Variants in CFAP43 observed in about 807,000 individuals in gnomAD.
The protein encoded by CFAP43 is cilia- and flagella-associated protein 43.
CFAP43 carries 155 observed loss-of-function variants against 218.9 expected under a neutral mutation model. The observed-to-expected ratio is 0.71, with a 90% CI of 0.62 to 0.81. The LOEUF (loss-of-function observed/expected upper bound fraction) is 0.81, where lower values mean the gene tolerates loss of function less well. CFAP43 is among the 30% of genes least tolerant of loss of function. CFAP43 has a pLI of 0.00. For missense variants in CFAP43, 1,778 were observed against 1,954.3 expected (o/e 0.91, Z 1.70); for synonymous variants, 645 against 681.3 (o/e 0.95, Z 0.83).
chr10:104,161,754 A>C (rs1235958291), intron 26 of CFAP43, among the ~76,000 whole-genome samples: 3 of 151,904 alleles, frequency 2.0e-5, no homozygotes, highest in Non-Finnish European at 4.4e-5. Context: ...TGGCCTCCTC[A>C]CTTAGCCTCC....
intron 10 of CFAP43, among the ~76,000 whole-genome samples, chr10:104,194,462 TG>T (rs1463600497): frequency 7.2e-5 from 11 of 152,324 alleles, no homozygotes; most frequent in African/African-American, 2.4e-4. Context: ...CTTGAACTAC[TG>T]GGCTCAAGTG....
At chr10:104,171,264 TGTTGCA>T (rs1269206154) in intron 20 of CFAP43, among the ~76,000 whole-genome samples, 1 of 152,248 alleles carries the variant, frequency 6.6e-6, no homozygotes, top group Non-Finnish European at 1.5e-5. Flanking sequence ...CATTAATAAA[TGTTGCA>T]GAATGAATGA....
At chr10:104,188,123 G>T in intron 13 of CFAP43, 147 bp downstream of exon 13, 1 of 968,954 alleles carries the variant, frequency 1.0e-6, no homozygotes, top group Non-Finnish European at 1.5e-6. Context: ...AAACTGTTTA[G>T]CATGTTGGTT....
chr10:104,220,518 T>C (rs2091147193), intron 3 of CFAP43, among the ~76,000 whole-genome samples: 1 of 152,004 alleles, frequency 6.6e-6, no homozygotes, highest in Non-Finnish European at 1.5e-5. Flanking sequence ...ACCAAATGAG[T>C]TTAAAGCCCA....
chr10:104,175,009 C>T (rs1299249210), intron 19 of CFAP43, among the ~76,000 whole-genome samples: 1 of 151,880 alleles, frequency 6.6e-6, no homozygotes, highest in Non-Finnish European at 1.5e-5. Context: ...GAGCCGAGAT[C>T]ATGCCAATGC....
chr10:104,211,717 C>A (rs2090868689), intron 5 of CFAP43, among the ~76,000 whole-genome samples: 1 of 152,176 alleles, frequency 6.6e-6, no homozygotes, highest in African/African-American at 2.4e-5. Context: ...CAACTTCTGC[C>A]CAGCATCTCC....
At chr10:104,190,935 A>G (rs1346654261) in intron 12 of CFAP43, among the ~76,000 whole-genome samples, 1 of 152,230 alleles carries the variant, frequency 6.6e-6, no homozygotes, top group East Asian at 1.9e-4. Flanking sequence ...GAGAGATAAT[A>G]GTAGTATCAA....
rs2087189008 is a variant in CFAP43, at chr10:104,131,460, A to G, written c.4702T>C (p.Cys1568Arg). The change falls in exon 37 of 38, where the codon TGC (cysteine) becomes CGC (arginine). Residue 1568 changes from cysteine to arginine, a missense_variant. Coordinates refer to ENST00000357060, the MANE Select transcript of CFAP43 (RefSeq NM_025145.7). ...DKMHKKNVEN[C>R]KKLLKKLGKF... ...CCAAGTTTTTTGAGTAGTTTCTTGC[A>G]GTTTTCCACATTCTTTTTGTGCATC... 1 of 1,611,076 alleles carries G rather than the reference A, an allele frequency of 6.2e-7. No individual in the cohort carries two copies. Among genetic ancestry groups the G allele is most frequent in the Admixed American group, 1.7e-5 (1 of 59,318 alleles).
chr10:104,162,516 C>T lies in CFAP43; in HGVS notation c.3247-113G>A, dbSNP rs1323979143. On this transcript the variant is annotated intron_variant, in intron 24 of 37. Coordinates refer to ENST00000357060, the MANE Select transcript of CFAP43 (RefSeq NM_025145.7). ...TACTAAGGGGATTAAAGGGACTCTGCAGACTTTGCACCCAATTTTCTGTTT... is the reference window on the plus strand; with the variant it reads ...TACTAAGGGGATTAAAGGGACTCTGTAGACTTTGCACCCAATTTTCTGTTT... 23 of 862,370 alleles carry T rather than the reference C, an allele frequency of 2.7e-5. No individual in the cohort carries two copies. In the Admixed American group the frequency reaches 4.1e-4, roughly 15 times the overall value. 53.4% of individuals were successfully genotyped at this position (862,370 alleles called of 1,614,324 possible). A position where few individuals can be genotyped will look rare whatever the true frequency, so the allele number is the denominator to read the frequency against.
Position 104,172,472 on chromosome 10 carries a change from A to G in CFAP43, c.2524T>C (p.Phe842Leu), listed in dbSNP as rs780968310. The change falls in exon 20 of 38, where the codon TTT becomes CTT. Residue 842 changes from phenylalanine to leucine, a missense_variant. Transcript: ENST00000357060. The stretch of plus-strand genomic sequence containing the variant: ...TCTAGTTCCTCAAGATCCAGACCAA[A>G]TTCCTGTTGGTCTAATTTTGCAATA... ...ENIAKLDQQE[F>L]GLDLEELERL... The G allele has an allele frequency of 2.5e-6, 4 of 1,607,714 alleles. No individual in the cohort carries two copies. The South Asian group carries it at 3.4e-5, about 14-fold the overall frequency.
chr10:104,192,451 A>T, intron 11 of CFAP43, 149 bp from the exon 12 acceptor site: 2 of 651,658 alleles, frequency 3.1e-6, no homozygotes, highest in Non-Finnish European at 5.4e-6. Context: ...ATTAAAGTGG[A>T]GTGATTACAT....
chr10:104,156,020 C>T (rs749839181), intron 27 of CFAP43, among the ~76,000 whole-genome samples: 3 of 151,910 alleles, frequency 2.0e-5, no homozygotes, highest in Non-Finnish European at 2.9e-5. Context: ...AGAAAAGCAG[C>T]TACTTTGAAA....
At chr10:104,203,949 A>C (rs537536776) in intron 7 of CFAP43, 146 bp from the exon 8 acceptor site, 1 of 645,542 alleles carries the variant, frequency 1.5e-6, no homozygotes, top group Non-Finnish European at 2.3e-6. Flanking sequence ...CTGTCCTCTC[A>C]TCTTTATTTA....
In CFAP43 at chr10:104,130,037, G is replaced by A; in HGVS notation, c.*102C>T. On this transcript the variant is annotated 3_prime_UTR_variant, in exon 38 of 38. Coordinates refer to ENST00000357060, the MANE Select transcript of CFAP43 (RefSeq NM_025145.7). The stretch of plus-strand genomic sequence containing the variant: ...CTAAAACATGCAACTCAGAGGACAT[G>A]CTACTTCAATTTCCCAGTAAGAAAG... 7.4e-7 allele frequency: 1 copy of A among 1,353,426 alleles called. No homozygotes were observed. The highest frequency in any genetic ancestry group is 2.5e-5 in the East Asian group (1 of 39,746). The allele number at this position is 1,353,426 out of a possible 1,614,324, so 83.8% of individuals were successfully genotyped here.
chr10:104,141,116 G>C, intron 33 of CFAP43, 115 bp from the exon 34 acceptor site: 1 of 1,099,416 alleles, frequency 9.1e-7, no homozygotes, highest in Non-Finnish European at 1.3e-6. Context: ...GATTAGTGTG[G>C]AGAATATTTT....
At chr10:104,230,488 A>C (rs2091420908) in intron 2 of CFAP43, 102 bp downstream of exon 2, 1 of 1,455,288 alleles carries the variant, frequency 6.9e-7, no homozygotes, top group Non-Finnish European at 9.2e-7. Flanking sequence ...AAAACAAACA[A>C]AAAAAACCTT....
chr10:104,164,757 G>A (rs938582264), intron 23 of CFAP43, among the ~76,000 whole-genome samples: 1 of 152,116 alleles, frequency 6.6e-6, no homozygotes, highest in Non-Finnish European at 1.5e-5. Flanking sequence ...TTAATATTAA[G>A]TCATTTCTTG....
Position 104,193,970 on chromosome 10 carries a change from C to A in CFAP43, c.1338G>T (p.Val446=), listed in dbSNP as rs747186273. ...ACCPSSLSAA[V]GTEDGSVYFI... ...AGTAGACCGAGCCATCCTCCGTGCC[C>A]ACGGCTGCAGAGAGGGAGGATGGAC... is the stretch of plus-strand genomic sequence containing the variant. The change falls in exon 11 of 38, where the codon GTG becomes GTT. Residue 446 remains valine, a synonymous_variant. Coordinates refer to ENST00000357060, the MANE Select transcript of CFAP43 (RefSeq NM_025145.7). 1.2e-6 allele frequency: 2 copies of A among 1,614,008 alleles called. No homozygotes were observed. The highest frequency in any genetic ancestry group is 1.7e-5 in the Admixed American group (1 of 60,018).
In CFAP43 at chr10:104,152,624, C is replaced by T. The variant is rs1247258411; in HGVS notation, c.3643G>A (p.Glu1215Lys). Residue 1215 changes from glutamate (E) to lysine (K), a missense_variant, in exon 28 of 38, where the codon GAG becomes AAG. Coordinates refer to ENST00000357060, the MANE Select transcript of CFAP43 (RefSeq NM_025145.7). ...KRLFERRVKA[E>K]MVTNQEELKI... ...TTATTTACCTGGTTGGTAACCATCTCTGCCTTCACTCTCCTTTCAAAAAGT... is the reference window on the plus strand; with the variant it reads ...TTATTTACCTGGTTGGTAACCATCTTTGCCTTCACTCTCCTTTCAAAAAGT... 6.2e-7 allele frequency: 1 copy of T among 1,613,896 alleles called. No individual in the cohort carries two copies. Among genetic ancestry groups the T allele is most frequent in the African/African-American group, 1.3e-5 (1 of 75,026 alleles).
Sources: allele counts gnomAD v4.1 joint callset (sites outside exome capture counted in the v4.1 genomes callset), GRCh38; gene constraint gnomAD v4.1.1; transcripts MANE v1.5; gene names NCBI Gene and HGNC (gene_info 2026-07-23, HGNC 2026-07-21).